The following RIN3 variants were observed in gnomAD, a reference collection of about 807,000 sequenced individuals.
RIN3 encodes RAB5 interacting protein 3.
A neutral mutation model predicts 76.3 loss-of-function variants in RIN3; 54 were observed. That is an observed-to-expected ratio of 0.71 (90% CI 0.57 to 0.89). The LOEUF (loss-of-function observed/expected upper bound fraction) is 0.89, where lower values mean the gene tolerates loss of function less well. Among genes scored for constraint, RIN3 ranks in the 40% least tolerant of loss-of-function variants. The pLI is 0.00. For synonymous variants in RIN3, 576 were observed against 564.0 expected (o/e 1.02, Z -0.30); for missense variants, 1,256 against 1,322.1 (o/e 0.95, Z 0.78).
At chr14:92,539,963 T>G (rs1455190383) in intron 1 of RIN3, among the ~76,000 whole-genome samples, 4 of 151,884 alleles carry the variant, frequency 2.6e-5, no homozygotes, top group Non-Finnish European at 5.9e-5. Flanking sequence ...TGGCTGCCTC[T>G]GCCGGCACCA....
At chr14:92,587,131 G>A (rs1057200966) in intron 3 of RIN3, among the ~76,000 whole-genome samples, 5 of 152,202 alleles carry the variant, frequency 3.3e-5, no homozygotes, top group African/African-American at 9.7e-5. Context: ...TAGTGTTATC[G>A]GAAGCCACGC....
rs373216312 is a variant in RIN3 at position 92,650,153 on chromosome 14, G to C, written c.533-1429G>C. Reference sequence around the variant, plus strand: ...TGAGTTCTGGGCTGCAAGCCACCCTGCTACTCACCGATGCCGGGAGAGCAA... The same window carrying C: ...TGAGTTCTGGGCTGCAAGCCACCCTCCTACTCACCGATGCCGGGAGAGCAA... On this transcript the variant is annotated intron_variant, in intron 5 of 9. Coordinates refer to ENST00000216487, the MANE Select transcript of RIN3 (RefSeq NM_024832.5). Among the ~76,000 whole-genome samples the C allele has an allele frequency of 1.7e-3, 260 of 152,328 alleles. 3 individuals carry two copies. The highest frequency in any genetic ancestry group is 5.9e-3 in the African/African-American group (247 of 41,576).
intron 3 of RIN3, among the ~76,000 whole-genome samples, chr14:92,615,104 G>A (rs775415875): frequency 5.3e-5 from 8 of 152,046 alleles, no homozygotes; most frequent in Non-Finnish European, 8.8e-5. Context: ...GCCTCCCAAA[G>A]TGCTGGGATT....
intron 4 of RIN3, among the ~76,000 whole-genome samples, chr14:92,631,516 G>A (rs547523287): frequency 1.6e-4 from 25 of 152,290 alleles, no homozygotes; most frequent in Middle Eastern, 6.8e-3. Context: ...CACAGTCACC[G>A]AATAGCTGGT....
chr14:92,523,510 A>G (rs1385491974), intron 1 of RIN3, among the ~76,000 whole-genome samples: 2 of 152,344 alleles, frequency 1.3e-5, no homozygotes, highest in East Asian at 1.9e-4. Context: ...ACATAGCACC[A>G]GATTATATGC....
chr14:92,544,081 G>C (rs1160422693), intron 1 of RIN3, among the ~76,000 whole-genome samples: 3 of 152,062 alleles, frequency 2.0e-5, no homozygotes, highest in Non-Finnish European at 2.9e-5. Flanking sequence ...GGGTTCTTTA[G>C]TTACACTGTC....
At chr14:92,566,812 G>A (rs149628441) in intron 2 of RIN3, among the ~76,000 whole-genome samples, 7 of 152,136 alleles carry the variant, frequency 4.6e-5, no homozygotes, top group Middle Eastern at 6.3e-3. Flanking sequence ...TGGACCTGCC[G>A]CTTGAATGCC....
At chr14:92,528,493 C>T (rs1166767840) in intron 1 of RIN3, among the ~76,000 whole-genome samples, 2 of 152,098 alleles carry the variant, frequency 1.3e-5, no homozygotes, top group African/African-American at 2.4e-5. Context: ...ACGTAGTAGG[C>T]GTTGTTTCCA....
intron 7 of RIN3, among the ~76,000 whole-genome samples, chr14:92,659,978 G>T (rs1263319293): frequency 6.6e-6 from 1 of 152,180 alleles, no homozygotes; most frequent in Non-Finnish European, 1.5e-5. Flanking sequence ...GTGCATGTCT[G>T]TGTCCCAATT....
At chr14:92,544,431 T>C (rs760765283) in intron 1 of RIN3, among the ~76,000 whole-genome samples, 1 of 41,576 alleles carries the variant, frequency 2.4e-5, no homozygotes, top group Admixed American at 3.1e-4. Context: ...GGGGGGGGGG[T>C]GGGGGCGGGG....
rs141155255 is a variant in RIN3, at chr14:92,588,214, CTTTTTTTTTTTTTT to C, written c.367+10754_367+10767del. Among the ~76,000 whole-genome samples, 16 of 58,826 alleles carry C rather than the reference CTTTTTTTTTTTTTT, an allele frequency of 2.7e-4. 1 individual carries two copies. Among genetic ancestry groups the C allele is most frequent in the South Asian group, 1.4e-3 (2 of 1,412 alleles). 38.6% of individuals were successfully genotyped at this position (58,826 alleles called of 152,430 possible). A position where few individuals can be genotyped will look rare whatever the true frequency, so the allele number is the denominator to read the frequency against. ...GGGGACCCATTCAAGCCATAGCACT[CTTTTTTTTTTTTTT>C]TTTTTTTTTTTTTTTTGAGATGGAG... is the stretch of plus-strand genomic sequence containing the variant. On this transcript the variant is annotated intron_variant, in intron 3 of 9. Coordinates refer to ENST00000216487, the MANE Select transcript of RIN3 (RefSeq NM_024832.5).
chr14:92,577,392 G>A lies in RIN3; in HGVS notation c.282G>A (p.Lys94=). The change falls in exon 3 of 10, where the codon AAG becomes AAA. Residue 94 remains lysine, a synonymous_variant. Coordinates refer to ENST00000216487, the MANE Select transcript of RIN3 (RefSeq NM_024832.5). ...MFLVRRDSSS[K]QLVLCVHFPS... ...TGGTTCGCCGGGACAGCAGCTCGAA[G>A]CAGCTGGTGCTCTGTGTCCACTTTC... is the stretch of plus-strand genomic sequence containing the variant. The A allele has an allele frequency of 6.2e-7, 1 of 1,613,726 alleles. No homozygotes were observed. The highest frequency in any genetic ancestry group is 8.5e-7 in the Non-Finnish European group (1 of 1,179,752).
chr14:92,647,254 G>A (rs1453713410), intron 5 of RIN3, among the ~76,000 whole-genome samples: 2 of 152,110 alleles, frequency 1.3e-5, no homozygotes, highest in South Asian at 2.1e-4. Context: ...GTCCAAATTC[G>A]GACTTGGAAA....
At chr14:92,678,752 G>C (rs1479412510) in intron 8 of RIN3, among the ~76,000 whole-genome samples, 4 of 152,178 alleles carry the variant, frequency 2.6e-5, no homozygotes, top group Non-Finnish European at 4.4e-5. Flanking sequence ...CATGGGCTGT[G>C]GTGTAGGACA....
rs139797241 is a variant in RIN3 at position 92,616,561 on chromosome 14, T to C, written c.440+1082T>C. Reference sequence around the variant, plus strand: ...GAGAGAGGTGATCCCCATAAATCTTTATAGGAGGCAGAGGGACCAATGATC... The same window carrying C: ...GAGAGAGGTGATCCCCATAAATCTTCATAGGAGGCAGAGGGACCAATGATC... On this transcript the variant is annotated intron_variant, in intron 4 of 9. Transcript: ENST00000216487. 9.2e-5 allele frequency among the ~76,000 whole-genome samples: 14 copies of C among 152,308 alleles called. No individual in the cohort carries two copies. The East Asian group carries it at 1.9e-3, about 21-fold the overall frequency.
At position 92,615,488 on chromosome 14, in the gene RIN3, A is replaced by G. The variant is rs760706588; in HGVS notation, c.440+9A>G. The G allele has an allele frequency of 6.2e-7, 1 of 1,611,932 alleles. No individual in the cohort carries two copies. Among genetic ancestry groups the G allele is most frequent in the Non-Finnish European group, 8.5e-7 (1 of 1,178,078 alleles). ...TTCTACTGTGTCAGTAGGTGAGTAG[A>G]CCCGGCCCTGCAGGAGGTTATCTGG... On this transcript the variant is annotated intron_variant, in intron 4 of 9. Coordinates refer to ENST00000216487, the MANE Select transcript of RIN3 (RefSeq NM_024832.5).
intron 5 of RIN3, among the ~76,000 whole-genome samples, chr14:92,646,611 T>G (rs1887209392): frequency 6.6e-6 from 1 of 152,178 alleles, no homozygotes; most frequent in Non-Finnish European, 1.5e-5. Context: ...GACTAATTTT[T>G]GTATTTTTAG....
intron 7 of RIN3, among the ~76,000 whole-genome samples, chr14:92,671,929 A>G (rs1309153141): frequency 6.6e-6 from 1 of 152,246 alleles, no homozygotes; most frequent in Non-Finnish European, 1.5e-5. Context: ...AGGACGGGCC[A>G]TAAGCAGAAT....
rs530619761 is a variant in RIN3, at chr14:92,539,791, G to A, written c.45-15960G>A. Among the ~76,000 whole-genome samples, 5 of 152,252 alleles carry A rather than the reference G, an allele frequency of 3.3e-5. No individual in the cohort carries two copies. The East Asian group carries it at 9.7e-4, about 29-fold the overall frequency. ...TCCAGGTTCCTAGGATGCTGGGGGT[G>A]TACAGGGTTTGCAAGAGCAGAGCCC... is the stretch of plus-strand genomic sequence containing the variant. On this transcript the variant is annotated intron_variant, in intron 1 of 9. Transcript: ENST00000216487.
Sources: allele counts gnomAD v4.1 joint callset (sites outside exome capture counted in the v4.1 genomes callset), GRCh38; gene constraint gnomAD v4.1.1; transcripts MANE v1.5; gene names NCBI Gene and HGNC (gene_info 2026-07-23, HGNC 2026-07-21).